PLCZ1: variants seen among roughly 807,000 people sequenced by gnomAD.
PLCZ1 encodes 1-phosphatidylinositol 4,5-bisphosphate phosphodiesterase zeta-1.
Under a neutral mutation model 76.8 loss-of-function variants are expected in PLCZ1, and 64 were observed. That is an observed-to-expected ratio of 0.83 (90% CI 0.68 to 1.03). The LOEUF is 1.03. PLCZ1 is among the 50% of genes least tolerant of loss of function. The probability of loss-of-function intolerance (pLI) is 0.00; values close to 1 mark genes in which losing one functional copy is unlikely to be tolerated. For missense variants in PLCZ1, 751 were observed against 713.7 expected, an observed-to-expected ratio of 1.05 and a Z score of -0.60; for synonymous variants, 248 against 230.8, an observed-to-expected ratio of 1.07 and a Z score of -0.68.
chr12:18,683,186 T>G lies in PLCZ1; in HGVS notation c.*53A>C. 6.9e-7 allele frequency: 1 copy of G among 1,443,430 alleles called. No individual in the cohort carries two copies. The highest frequency in any genetic ancestry group is 9.7e-7 in the Non-Finnish European group (1 of 1,025,812). The allele number at this position is 1,443,430 out of a possible 1,614,324, so 89.4% of individuals were successfully genotyped here. A position where few individuals can be genotyped will look rare whatever the true frequency, so the allele number is the denominator to read the frequency against. ...AAAAGAAAACATAAAGACATTCATT[T>G]TGGCTGTTTTATTGCGATGCATAGC... On this transcript the variant is annotated 3_prime_UTR_variant, in exon 15 of 15. Coordinates refer to ENST00000266505, the MANE Select transcript of PLCZ1 (RefSeq NM_033123.4).
the PLCZ1 span, among the ~76,000 whole-genome samples, chr12:18,663,657 T>G: frequency 6.6e-6 from 1 of 150,470 alleles, no homozygotes; most frequent in African/African-American, 2.4e-5. Context: ...AAAAAAAACA[T>G]AGGACAAAAG....
At chr12:18,724,937 C>G (rs1038857260) in intron 3 of PLCZ1, among the ~76,000 whole-genome samples, 1 of 152,028 alleles carries the variant, frequency 6.6e-6, no homozygotes, top group Non-Finnish European at 1.5e-5. Flanking sequence ...TACTTTCAAA[C>G]AGAGTATAAG....
intron 13 of PLCZ1, among the ~76,000 whole-genome samples, chr12:18,686,834 T>C (rs1317249154): frequency 6.6e-6 from 1 of 152,128 alleles, no homozygotes; most frequent in Non-Finnish European, 1.5e-5. Flanking sequence ...ACAAGGCTTT[T>C]AGCATAGCAG....
rs1401778994 is a variant in PLCZ1, at chr12:18,699,902, T to C, written c.1066A>G (p.Thr356Ala). 1.5e-5 allele frequency: 24 copies of C among 1,612,492 alleles called. No individual in the cohort carries two copies. Among genetic ancestry groups the C allele is most frequent in the African/African-American group, 2.7e-5 (2 of 74,876 alleles). The change falls in exon 10 of 15, where the codon ACG (threonine) becomes GCG (alanine). Residue 356 changes from threonine to alanine, a missense_variant. Transcript: ENST00000266505. ...AAGCTTTTGAATTTCTCAGCTTTCG[T>C]ATAAATGACAAGATCAGATAAGGCC... ...ALALSDLVIY[T>A]KAEKFKSFQH...
intron 3 of PLCZ1, among the ~76,000 whole-genome samples, chr12:18,728,522 G>A (rs1958877429): frequency 6.6e-6 from 1 of 152,082 alleles, no homozygotes; most frequent in Non-Finnish European, 1.5e-5. Flanking sequence ...AGGATATAAA[G>A]AGCTCAACTT....
At chr12:18,650,124 T>C in the PLCZ1 span, among the ~76,000 whole-genome samples, 14 of 152,206 alleles carry the variant, frequency 9.2e-5, no homozygotes, top group South Asian at 2.9e-3. Flanking sequence ...TTCCCTTGAA[T>C]TGCTGATAAA....
chr12:18,650,347 A>ATGTGTGTG, the PLCZ1 span, among the ~76,000 whole-genome samples: 77 of 114,540 alleles, frequency 6.7e-4, 1 homozygote, highest in African/African-American at 2.5e-3. Flanking sequence ...ATATATATAT[A>ATGTGTGTG]TGTGTGTGTG....
chr12:18,705,547 C>A lies in PLCZ1; in HGVS notation c.715-232G>T, dbSNP rs193097990. ...ACCAAAAGAATAGGAACAACTGAAG[C>A]ATCCATCAGTGAGTACTTATTTAAA... On this transcript the variant is annotated intron_variant, in intron 6 of 14. Transcript: ENST00000266505. 1.7e-3 allele frequency among the ~76,000 whole-genome samples: 265 copies of A among 152,164 alleles called. 7 individuals are homozygous for A. Among genetic ancestry groups the A allele is most frequent in the Admixed American group, 0.016 (240 of 15,266 alleles).
At chr12:18,704,826 T>C (rs1449647462) in intron 7 of PLCZ1, among the ~76,000 whole-genome samples, 2 of 152,126 alleles carry the variant, frequency 1.3e-5, no homozygotes, top group Non-Finnish European at 2.9e-5. Context: ...TACTGACTAT[T>C]TATAGTCTAG....
At chr12:18,681,553 T>G (rs1952418739), downstream of PLCZ1, among the ~76,000 whole-genome samples, 1 of 152,064 alleles carries the variant, frequency 6.6e-6, no homozygotes, top group African/African-American at 2.4e-5. Flanking sequence ...GAGAAAATTC[T>G]AATCAAAATT....
At chr12:18,728,124 A>G (rs184398596) in intron 3 of PLCZ1, among the ~76,000 whole-genome samples, 1 of 152,330 alleles carries the variant, frequency 6.6e-6, no homozygotes, top group African/African-American at 2.4e-5. Flanking sequence ...GATGACATCT[A>G]AACAGAGACA....
chr12:18,715,392 G>T (rs1391662896), intron 5 of PLCZ1, among the ~76,000 whole-genome samples: 2 of 151,300 alleles, frequency 1.3e-5, no homozygotes, highest in African/African-American at 4.9e-5. Flanking sequence ...TTCTTTTGGG[G>T]TGTTTGGTTT....
intron 12 of PLCZ1, among the ~76,000 whole-genome samples, chr12:18,691,856 T>A (rs1954140105): frequency 6.6e-6 from 1 of 152,182 alleles, no homozygotes; most frequent in African/African-American, 2.4e-5. Context: ...AGCTACATAC[T>A]TCACAGGCAC....
intron 10 of PLCZ1, among the ~76,000 whole-genome samples, chr12:18,696,751 C>G (rs1955110415): frequency 6.6e-6 from 1 of 152,092 alleles, no homozygotes; most frequent in Non-Finnish European, 1.5e-5. Context: ...TTCACAGGTT[C>G]TCAGGGTTGA....
At chr12:18,736,393 A>G in intron 2 of PLCZ1, 49 bp from the exon 3 acceptor site, 3 of 1,575,312 alleles carry the variant, frequency 1.9e-6, no homozygotes, top group Non-Finnish European at 2.6e-6. Context: ...GTCATTGAAT[A>G]TTTAAAATTC....
intron 7 of PLCZ1, among the ~76,000 whole-genome samples, chr12:18,703,660 G>T (rs1328617104): frequency 2.0e-5 from 3 of 152,132 alleles, no homozygotes; most frequent in Non-Finnish European, 4.4e-5. Context: ...AAATCTGTAT[G>T]TTAACCCTTG....
At chr12:18,695,204 A>T in intron 11 of PLCZ1, 125 bp from the exon 12 acceptor site, 1 of 920,818 alleles carries the variant, frequency 1.1e-6, no homozygotes, top group South Asian at 1.5e-5. Context: ...AAGTATCATT[A>T]GCCTAATAAT....
chr12:18,675,236 G>C, the PLCZ1 span, among the ~76,000 whole-genome samples: 1 of 152,080 alleles, frequency 6.6e-6, no homozygotes, highest in South Asian at 2.1e-4. Flanking sequence ...CTCCCACCTG[G>C]TAAAACCAGC....
chr12:18,711,681 G>A (rs1957366343), intron 6 of PLCZ1, among the ~76,000 whole-genome samples: 1 of 151,840 alleles, frequency 6.6e-6, no homozygotes, highest in Non-Finnish European at 1.5e-5. Context: ...TGATGAGATG[G>A]GGAAGATCGT....
Sources: gnomAD v4.1 joint callset for allele counts (sites outside exome capture counted in the v4.1 genomes callset) on GRCh38, gnomAD v4.1.1 for gene constraint, MANE v1.5 for transcripts, NCBI Gene and HGNC (gene_info 2026-07-23, HGNC 2026-07-21) for gene names.